Variants in FBXL14 observed in about 807,000 individuals in gnomAD.
The protein encoded by FBXL14 is F-box/LRR-repeat protein 14.
FBXL14 carries 11 observed loss-of-function variants against 24.5 expected under a neutral mutation model. That is an observed-to-expected ratio of 0.45 (90% confidence interval 0.28 to 0.74). The LOEUF (loss-of-function observed/expected upper bound fraction) is 0.74. Among genes scored for constraint, FBXL14 ranks in the 30% least tolerant of loss-of-function variants. The pLI, the probability that FBXL14 is intolerant of heterozygous loss-of-function variation, is 0.12. For missense variants in FBXL14, 384 were observed against 545.6 expected, an observed-to-expected ratio of 0.70 and a Z score of 2.95; for synonymous variants, 294 against 240.4, an observed-to-expected ratio of 1.22 and a Z score of -2.06.
chr12:1,576,140 A>T (rs1459913684), intron 1 of FBXL14, among the ~76,000 whole-genome samples: 1 of 152,158 alleles, frequency 6.6e-6, no homozygotes, highest in Non-Finnish European at 1.5e-5. Flanking sequence ...ACTGCAGATG[A>T]AGCAGGGAGT....
In FBXL14 at chr12:1,583,429, C is replaced by T. The variant is rs368743697; in HGVS notation, c.1194+9444G>A. On this transcript the variant is annotated intron_variant, in intron 1 of 1. Transcript: ENST00000339235. ...AGTTAATGTTTGATTCTCTTAGCTCCAAAAGCAGAGAGCTGCAAAATAACA... is the reference window on the plus strand; with the variant it reads ...AGTTAATGTTTGATTCTCTTAGCTCTAAAAGCAGAGAGCTGCAAAATAACA... Among the ~76,000 whole-genome samples, 12 of 151,942 alleles carry T rather than the reference C, an allele frequency of 7.9e-5. No homozygotes were observed. In the South Asian group the frequency reaches 1.5e-3, roughly 18 times the overall value.
chr12:1,585,145 T>C (rs2094473974), intron 1 of FBXL14, among the ~76,000 whole-genome samples: 1 of 152,154 alleles, frequency 6.6e-6, no homozygotes, highest in African/African-American at 2.4e-5. Context: ...ACGCCTGTCA[T>C]CCCAGCACTT....
In FBXL14 at chr12:1,574,407, T is replaced by G. The variant is rs2154437809; in HGVS notation, c.1195-7597A>C. ...GGATGGAGGCTGGGGTGGGGGAGGC[T>G]GGCGGCAGTGGTGTGGGTGGAGCCT... On this transcript the variant is annotated intron_variant, in intron 1 of 1. Coordinates refer to ENST00000339235, the MANE Select transcript of FBXL14 (RefSeq NM_152441.3). Among the ~76,000 whole-genome samples, 2 of 96,458 alleles carry G rather than the reference T, an allele frequency of 2.1e-5. 1 individual carries two copies. The allele number at this position is 96,458 out of a possible 152,430, so 63.3% of individuals were successfully genotyped here.
chr12:1,591,017 A>G (rs1174046113), intron 1 of FBXL14, among the ~76,000 whole-genome samples: 16 of 152,234 alleles, frequency 1.1e-4, no homozygotes, highest in Non-Finnish European at 2.2e-4. Context: ...ACCCAAAGAA[A>G]AACTGGCCAC....
chr12:1,574,088 G>A (rs530669975), intron 1 of FBXL14, among the ~76,000 whole-genome samples: 78 of 152,286 alleles, frequency 5.1e-4, no homozygotes, highest in Middle Eastern at 3.4e-3. Context: ...ATGAGAACTG[G>A]CAGGAGATGT....
At chr12:1,570,444 G>A (rs2094443526) in intron 1 of FBXL14, among the ~76,000 whole-genome samples, 1 of 152,188 alleles carries the variant, frequency 6.6e-6, no homozygotes, top group South Asian at 2.1e-4. Context: ...CAAAAAAAGT[G>A]CAGGAGCTGG....
chr12:1,587,064 C>CTT (rs1844186590), intron 1 of FBXL14, among the ~76,000 whole-genome samples: 1 of 151,678 alleles, frequency 6.6e-6, no homozygotes, highest in Admixed American at 6.6e-5. Flanking sequence ...ATGGAGAAAC[C>CTT]CCGTCTCTAC....
At chr12:1,592,616 G>A (rs948353483) in intron 1 of FBXL14, among the ~76,000 whole-genome samples, 1 of 152,138 alleles carries the variant, frequency 6.6e-6, no homozygotes, top group Admixed American at 6.5e-5. Context: ...AAGCAGCAGA[G>A]TCCATCTCTC....
intron 1 of FBXL14, among the ~76,000 whole-genome samples, chr12:1,586,548 T>C (rs2094476991): frequency 1.3e-5 from 2 of 152,120 alleles, no homozygotes; most frequent in African/African-American, 4.8e-5. Flanking sequence ...TGCTTTGCAG[T>C]GCCCCTGTGA....
At chr12:1,570,009 G>C (rs534968918) in intron 1 of FBXL14, among the ~76,000 whole-genome samples, 1 of 152,364 alleles carries the variant, frequency 6.6e-6, no homozygotes, top group African/African-American at 2.4e-5. Flanking sequence ...ATGAGGTTCA[G>C]ATTCTTCCTA....
At chr12:1,584,729 C>T (rs1341405897) in intron 1 of FBXL14, among the ~76,000 whole-genome samples, 2 of 152,218 alleles carry the variant, frequency 1.3e-5, no homozygotes, top group Non-Finnish European at 2.9e-5. Flanking sequence ...TGGCTAAATT[C>T]TGTGCATCTG....
intron 1 of FBXL14, among the ~76,000 whole-genome samples, chr12:1,582,487 CTGTT>C (rs1193868924): frequency 6.6e-6 from 1 of 152,126 alleles, no homozygotes. Context: ...CCTGTATTCT[CTGTT>C]TGGGGTGCCT....
At position 1,593,065 on chromosome 12, in the gene FBXL14, C is replaced by T; in HGVS notation, c.1002G>A (p.Thr334=). The change falls in exon 1 of 2, where the codon ACG becomes ACA. Residue 334 remains threonine, a synonymous_variant. Transcript: ENST00000339235. The surrounding 1 kb of genome is among the most constrained non-coding windows in gnomAD (Gnocchi z 7.4). ...TGCGCACACACTGTCCAATGTTGAG[C>T]GTGCGCAGCCCGTGCATCTGCCGCA... ...RMVRQMHGLR[T]LNIGQCVRIT... 1.2e-6 allele frequency: 2 copies of T among 1,612,716 alleles called. No homozygotes were observed. Among genetic ancestry groups the T allele is most frequent in the Non-Finnish European group, 1.7e-6 (2 of 1,180,016 alleles).
chr12:1,589,778 C>T (rs1380251931), intron 1 of FBXL14, among the ~76,000 whole-genome samples: 1 of 152,182 alleles, frequency 6.6e-6, no homozygotes, highest in East Asian at 1.9e-4. Context: ...CGGCTATATA[C>T]TAAGTATGCC....
At chr12:1,576,699 ACC>A (rs553822759) in intron 1 of FBXL14, among the ~76,000 whole-genome samples, 1 of 151,072 alleles carries the variant, frequency 6.6e-6, no homozygotes, top group Non-Finnish European at 1.5e-5. Context: ...TCCCAGTAAA[ACC>A]CCACTTCTTT....
At chr12:1,591,643 G>A (rs2094490384) in intron 1 of FBXL14, among the ~76,000 whole-genome samples, 1 of 152,110 alleles carries the variant, frequency 6.6e-6, no homozygotes, top group South Asian at 2.1e-4. Context: ...CCAAAAGAAA[G>A]AAAGTCATCT....
At position 1,568,070 on chromosome 12, in the gene FBXL14, G is replaced by T. The variant is rs371810621; in HGVS notation, c.1195-1260C>A. On this transcript the variant is annotated intron_variant, in intron 1 of 1. Transcript: ENST00000339235. Reference sequence around the variant, plus strand: ...AAACCACAGATCCAGGAATCTCAGAGAATCAGGACAAATGCCAGAAAAACT... The same window carrying T: ...AAACCACAGATCCAGGAATCTCAGATAATCAGGACAAATGCCAGAAAAACT... Among the ~76,000 whole-genome samples the T allele has an allele frequency of 2.8e-3, 422 of 152,280 alleles. 22 individuals carry two copies. The South Asian group carries it at 0.079, about 28-fold the overall frequency.
At chr12:1,577,712 A>G (rs2094458684) in intron 1 of FBXL14, among the ~76,000 whole-genome samples, 1 of 152,256 alleles carries the variant, frequency 6.6e-6, no homozygotes, top group Non-Finnish European at 1.5e-5. Flanking sequence ...AGACCATCCC[A>G]AGCAGGGTCT....
In FBXL14 at chr12:1,594,356, C is replaced by T. The variant is rs2094497271; in HGVS notation, c.-290G>A. Among the ~76,000 whole-genome samples the T allele has an allele frequency of 6.9e-6, 1 of 145,708 alleles. No homozygotes were observed. On this transcript the variant is annotated 5_prime_UTR_variant, in exon 1 of 2. Transcript: ENST00000339235. ...GGGCGGGGAAGGCGCCTCGCTCTCG[C>T]TCCCGGAGGCCGGCCGCCGCCGCCG...
Sources: allele counts gnomAD v4.1 joint callset (sites outside exome capture counted in the v4.1 genomes callset), GRCh38; gene constraint gnomAD v4.1.1; non-coding constraint Gnocchi (gnomAD v3.1); transcripts MANE v1.5; gene names NCBI Gene and HGNC (gene_info 2026-07-23, HGNC 2026-07-21).